SHOC2: variants seen among roughly 807,000 people sequenced by gnomAD.
The protein encoded by SHOC2 is leucine-rich repeat protein SHOC-2.
SHOC2 carries 4 observed loss-of-function variants against 50.2 expected under a neutral mutation model. That is an observed-to-expected ratio of 0.08 (90% CI 0.04 to 0.18). SHOC2 has a LOEUF of 0.18. SHOC2 is among the 10% of genes least tolerant of loss of function. SHOC2 has a pLI of 1.00. For synonymous variants in SHOC2, 218 were observed against 244.5 expected (o/e 0.89, Z 1.01); for missense variants, 388 against 669.6 (o/e 0.58, Z 4.64).
intron 3 of SHOC2, among the ~76,000 whole-genome samples, chr10:110,992,803 GT>G (rs1388964192): frequency 2.0e-5 from 3 of 152,092 alleles, no homozygotes; most frequent in African/African-American, 7.2e-5. Context: ...AGGAATTTCT[GT>G]GTTGCTTACT....
At chr10:110,951,652 T>C (rs1256406906) in intron 1 of SHOC2, 4 of 152,206 alleles carry the variant, frequency 2.6e-5, no homozygotes, top group Non-Finnish European at 4.4e-5. Flanking sequence ...TATGTCTTCA[T>C]TGATGGAAGA....
chr10:110,950,185 G>A (rs943726479), intron 1 of SHOC2, among the ~76,000 whole-genome samples: 26 of 152,126 alleles, frequency 1.7e-4, no homozygotes, highest in African/African-American at 6.3e-4. Context: ...ATTAATAAAT[G>A]AATTCAGTAA....
chr10:110,948,581 G>A (rs1245262247), intron 1 of SHOC2, among the ~76,000 whole-genome samples: 1 of 151,990 alleles, frequency 6.6e-6, no homozygotes, highest in Non-Finnish European at 1.5e-5. Context: ...AACACCAGGA[G>A]GAAAACTGGA....
chr10:110,951,376 C>T (rs559319215), intron 1 of SHOC2, among the ~76,000 whole-genome samples: 6 of 152,084 alleles, frequency 3.9e-5, no homozygotes, highest in African/African-American at 9.6e-5. Flanking sequence ...ATCCAAAAGA[C>T]GATAATAAGA....
intron 2 of SHOC2, among the ~76,000 whole-genome samples, chr10:110,972,578 AAAC>A (rs1417496355): frequency 3.3e-5 from 5 of 152,184 alleles, no homozygotes; most frequent in East Asian, 1.9e-4. Context: ...GGAGGCAAAA[AAAC>A]AACAACACAG....
At chr10:110,921,197 G>A (rs566650782) in intron 1 of SHOC2, among the ~76,000 whole-genome samples, 1 of 152,144 alleles carries the variant, frequency 6.6e-6, no homozygotes, top group Non-Finnish European at 1.5e-5. Context: ...AATTTATCAA[G>A]TGTTGATGTT....
At chr10:111,009,135 T>G in intron 6 of SHOC2, 113 bp from the exon 7 acceptor site, 2 of 681,588 alleles carry the variant, frequency 2.9e-6, no homozygotes, top group Non-Finnish European at 5.1e-6. Context: ...AACATCACCC[T>G]TAATATTCAC....
intron 1 of SHOC2, among the ~76,000 whole-genome samples, chr10:110,944,581 C>T (rs776638013): frequency 3.3e-5 from 5 of 152,132 alleles, no homozygotes; most frequent in Non-Finnish European, 5.9e-5. Flanking sequence ...ATAATGTGGA[C>T]ATTCTAAATA....
At chr10:110,937,155 C>G (rs772404000) in intron 1 of SHOC2, 2 of 1,534,618 alleles carry the variant, frequency 1.3e-6, no homozygotes, top group Non-Finnish European at 1.8e-6. Flanking sequence ...CCCAGCAGTA[C>G]CTGTTTAGCC....
At chr10:110,974,551 CT>C (rs1451956384) in intron 2 of SHOC2, among the ~76,000 whole-genome samples, 1 of 152,024 alleles carries the variant, frequency 6.6e-6, no homozygotes, top group African/African-American at 2.4e-5. Flanking sequence ...TCTATCCTGC[CT>C]GACAGCCACT....
intron 5 of SHOC2, among the ~76,000 whole-genome samples, chr10:111,005,562 T>C (rs1848451700): frequency 6.6e-6 from 1 of 152,252 alleles, no homozygotes; most frequent in Non-Finnish European, 1.5e-5. Context: ...ATATGCTTAA[T>C]TGTATATTAA....
At chr10:110,949,543 C>G (rs961540151) in intron 1 of SHOC2, among the ~76,000 whole-genome samples, 1 of 151,916 alleles carries the variant, frequency 6.6e-6, no homozygotes, top group Non-Finnish European at 1.5e-5. Context: ...AAAACTCTTC[C>G]AAAACCTTAG....
chr10:110,944,581 C>G (rs776638013), intron 1 of SHOC2, among the ~76,000 whole-genome samples: 1 of 152,132 alleles, frequency 6.6e-6, no homozygotes, highest in Non-Finnish European at 1.5e-5. Flanking sequence ...ATAATGTGGA[C>G]ATTCTAAATA....
chr10:110,959,113 T>G (rs999250313), intron 1 of SHOC2, among the ~76,000 whole-genome samples: 7 of 152,218 alleles, frequency 4.6e-5, no homozygotes, highest in African/African-American at 1.7e-4. Flanking sequence ...TTATACATTT[T>G]ATGTTTCAGT....
intron 3 of SHOC2, among the ~76,000 whole-genome samples, chr10:110,991,960 C>G (rs1269231434): frequency 6.6e-6 from 1 of 152,218 alleles, no homozygotes; most frequent in African/African-American, 2.4e-5. Context: ...GCTGCCCACT[C>G]TCTTTTCCTT....
At chr10:110,930,076 T>A (rs1175043784) in intron 1 of SHOC2, among the ~76,000 whole-genome samples, 6 of 152,210 alleles carry the variant, frequency 3.9e-5, no homozygotes, top group South Asian at 2.1e-4. Context: ...TTTAGCTTTG[T>A]GATATTTTTT....
At chr10:110,997,537 C>CCA (rs1334198034) in intron 3 of SHOC2, among the ~76,000 whole-genome samples, 18 of 152,114 alleles carry the variant, frequency 1.2e-4, no homozygotes, top group Admixed American at 2.0e-4. Context: ...GCTTTTTCCC[C>CCA]CCCAACTTAA....
chr10:110,978,693 G>A (rs531535764), intron 2 of SHOC2, among the ~76,000 whole-genome samples: 2 of 152,222 alleles, frequency 1.3e-5, no homozygotes, highest in Admixed American at 6.5e-5. Context: ...ATGTATTTTC[G>A]GAGTCAGCAA....
chr10:111,000,056 CAT>C (rs1332067768), intron 3 of SHOC2, among the ~76,000 whole-genome samples: 4 of 152,120 alleles, frequency 2.6e-5, no homozygotes, highest in African/African-American at 9.7e-5. Flanking sequence ...ATCATCATAA[CAT>C]AGAACAAATG....
Sources: gnomAD v4.1 joint callset for allele counts (sites outside exome capture counted in the v4.1 genomes callset) on GRCh38, gnomAD v4.1.1 for gene constraint, MANE v1.5 for transcripts, NCBI Gene and HGNC (gene_info 2026-07-23, HGNC 2026-07-21) for gene names.